Variants in ADRB3 observed in about 807,000 individuals in gnomAD.
The protein encoded by ADRB3 is beta-3 adrenergic receptor.
ADRB3 carries 33 observed loss-of-function variants against 23.8 expected under a neutral mutation model. That is an observed-to-expected ratio of 1.38 (90% CI 1.05 to 1.85). The LOEUF (loss-of-function observed/expected upper bound fraction) is 1.85. ADRB3 is among the 40% of genes most tolerant of loss of function. The probability of loss-of-function intolerance (pLI) is 0.00; values close to 1 mark genes in which losing one functional copy is unlikely to be tolerated. For synonymous variants in ADRB3, 289 were observed against 273.0 expected, an observed-to-expected ratio of 1.06 and a Z score of -0.58; for missense variants, 600 against 579.6, an observed-to-expected ratio of 1.04 and a Z score of -0.36.
chr8:37,965,420 C>A lies in ADRB3; in HGVS notation c.1050G>T (p.Pro350=). 1 of 1,549,516 alleles carries A rather than the reference C, an allele frequency of 6.5e-7. No homozygotes were observed. Among genetic ancestry groups the A allele is most frequent in the Middle Eastern group, 1.7e-4 (1 of 5,944 alleles). Residue 350 remains proline (P), a synonymous_variant, in exon 1 of 2, where the codon CCG becomes CCT. Coordinates refer to ENST00000345060, the MANE Select transcript of ADRB3 (RefSeq NM_000025.3). ...GACGGCGGAAGGCGCTGCGAAAGTCCGGGCTGCGGCAGTAGATGAGCGGGT... is the reference window on the plus strand; with the variant it reads ...GACGGCGGAAGGCGCTGCGAAAGTCAGGGCTGCGGCAGTAGATGAGCGGGT... ...AFNPLIYCRS[P]DFRSAFRRLL...
intron 1 of ADRB3, 116 bp from the exon 2 acceptor site, chr8:37,964,355 G>A: frequency 1.1e-6 from 1 of 905,784 alleles, no homozygotes; most frequent in Non-Finnish European, 1.8e-6. Context: ...AAAAACGCCA[G>A]GGCACCACCC....
At position 37,964,132 on chromosome 8, in the gene ADRB3, G is replaced by A. The variant is rs1808252966; in HGVS notation, c.*86C>T. 3.3e-6 allele frequency: 4 copies of A among 1,214,646 alleles called. No homozygotes were observed. Among genetic ancestry groups the A allele is most frequent in the East Asian group, 2.3e-5 (1 of 42,768 alleles). 75.2% of individuals were successfully genotyped at this position (1,214,646 alleles called of 1,614,324 possible). A position where few individuals can be genotyped will look rare whatever the true frequency, so the allele number is the denominator to read the frequency against. On this transcript the variant is annotated 3_prime_UTR_variant, in exon 2 of 2. Coordinates refer to ENST00000345060, the MANE Select transcript of ADRB3 (RefSeq NM_000025.3). Reference sequence around the variant, plus strand: ...TGGAGGGTAGAGTGTCACAGCCGGGGAATCCCATGGGACTCATTCTGAACA... The same window carrying A: ...TGGAGGGTAGAGTGTCACAGCCGGGAAATCCCATGGGACTCATTCTGAACA...
In ADRB3 at chr8:37,964,118, G is replaced by A. The variant is rs1808252655; in HGVS notation, c.*100C>T. 1 of 1,059,308 alleles carries A rather than the reference G, an allele frequency of 9.4e-7. No individual in the cohort carries two copies. Among genetic ancestry groups the A allele is most frequent in the African/African-American group, 1.6e-5 (1 of 64,008 alleles). 65.6% of individuals were successfully genotyped at this position (1,059,308 alleles called of 1,614,324 possible). A position where few individuals can be genotyped will look rare whatever the true frequency, so the allele number is the denominator to read the frequency against. On this transcript the variant is annotated 3_prime_UTR_variant, in exon 2 of 2. Coordinates refer to ENST00000345060, the MANE Select transcript of ADRB3 (RefSeq NM_000025.3). ...CAGTCGTCAGGTTCTGGAGGGTAGA[G>A]TGTCACAGCCGGGGAATCCCATGGG...
Position 37,966,094 on chromosome 8 carries a change from C to T in ADRB3, c.376G>A (p.Glu126Lys), listed in dbSNP as rs750693990. ...VDVLCVTASI[E>K]TLCALAVDRY... ...TCCACGGCCAGGGCGCACAGGGTTT[C>T]GATGCTGGCGGTCACACACAGCACG... The change falls in exon 1 of 2, where the codon GAA becomes AAA. Residue 126 changes from glutamate (E) to lysine (K), a missense_variant. By Grantham distance (56) the Glu-to-Lys change is moderately conservative (BLOSUM62 1). Coordinates refer to ENST00000345060, the MANE Select transcript of ADRB3 (RefSeq NM_000025.3). The T allele has an allele frequency of 3.7e-6, 6 of 1,611,106 alleles. No homozygotes were observed. Among genetic ancestry groups the T allele is most frequent in the Non-Finnish European group, 3.4e-6 (4 of 1,178,760 alleles).
Position 37,966,474 on chromosome 8 carries a change from G to C in ADRB3, c.-5C>G, listed in dbSNP as rs762614429. On this transcript the variant is annotated 5_prime_UTR_variant, in exon 1 of 2. Transcript: ENST00000345060. ...CTCGTGAGGCCACGGAGCCATCCCC[G>C]GGTCGCGCGTGGGGCGGTAGGGAAA... The C allele has an allele frequency of 1.3e-6, 2 of 1,585,308 alleles. No homozygotes were observed. The highest frequency in any genetic ancestry group is 1.1e-5 in the South Asian group (1 of 88,112).
Position 37,966,026 on chromosome 8 carries a change from C to G in ADRB3, c.444G>C (p.Leu148=), listed in dbSNP as rs1277918199. 6.3e-7 allele frequency: 1 copy of G among 1,580,660 alleles called. No individual in the cohort carries two copies. Among genetic ancestry groups the G allele is most frequent in the South Asian group, 1.2e-5 (1 of 86,816 alleles). The part of the protein sequence containing the change: ...AVTNPLRYGA[L]VTKRCARTAV... ...CTGTCCGGGCGCAGCGCTTGGTGAC[C>G]AGTGCGCCGTAACGCAGCGGGTTGG... Residue 148 remains leucine, a synonymous_variant, in exon 1 of 2, where the codon CTG becomes CTC. Transcript: ENST00000345060.
rs1291521657 is a variant in ADRB3 at position 37,965,893 on chromosome 8, G to C, written c.577C>G (p.Pro193Ala). 1 of 1,552,942 alleles carries C rather than the reference G, an allele frequency of 6.4e-7. No individual in the cohort carries two copies. The highest frequency in any genetic ancestry group is 2.0e-5 in the Admixed American group (1 of 51,070). The change falls in exon 1 of 2, where the codon CCG becomes GCG. Residue 193 changes from proline (P) to alanine (A), a missense_variant. Coordinates refer to ENST00000345060, the MANE Select transcript of ADRB3 (RefSeq NM_000025.3). ...DAEAQRCHSN[P>A]RCCAFASNMP... ...TTGGAGGCGAAGGCACAGCAGCGCG[G>C]GTTGGAGTGGCAGCGCTGCGCCTCG...
At position 37,963,054 on chromosome 8, in the gene ADRB3, A is replaced by T. The variant is rs1808229867; in HGVS notation, c.*1164T>A. On this transcript the variant is annotated 3_prime_UTR_variant, in exon 2 of 2. Transcript: ENST00000345060. ...CAGATTTTTGTAGCTGGGGAAGGTG[A>T]GTGGGAAGGTAGAGGTTGTGGAAAG... 6.6e-6 allele frequency: 1 copy of T among 152,100 alleles called. No individual in the cohort carries two copies. The highest frequency in any genetic ancestry group is 1.5e-5 in the Non-Finnish European group (1 of 68,024). 9.4% of individuals were successfully genotyped at this position (152,100 alleles called of 1,614,324 possible). A position where few individuals can be genotyped will look rare whatever the true frequency, so the allele number is the denominator to read the frequency against.
rs13306152 is a variant in ADRB3 at position 37,964,253 on chromosome 8, T to G, written c.1206-14A>C. The G allele has an allele frequency of 1.2e-6, 2 of 1,611,354 alleles. No homozygotes were observed. Among genetic ancestry groups the G allele is most frequent in the Non-Finnish European group, 1.7e-6 (2 of 1,178,094 alleles). On this transcript the variant is annotated splice_polypyrimidine_tract_variant and intron_variant, in intron 1 of 1. Transcript: ENST00000345060. ...CCCCAAGAAGCCCTGGGAAAAAAAGTGGAGATAATAGACCCTGGGGTGAAA... is the reference window on the plus strand; with the variant it reads ...CCCCAAGAAGCCCTGGGAAAAAAAGGGGAGATAATAGACCCTGGGGTGAAA...
Position 37,965,888 on chromosome 8 carries a change from G to C in ADRB3, c.582C>G (p.Arg194=), listed in dbSNP as rs1336490427. ...GCATGTTGGAGGCGAAGGCACAGCA[G>C]CGCGGGTTGGAGTGGCAGCGCTGCG... ...AEAQRCHSNP[R]CCAFASNMPY... is the part of the protein sequence containing the mutation. The change falls in exon 1 of 2, where the codon CGC becomes CGG. Residue 194 remains arginine, a synonymous_variant. Coordinates refer to ENST00000345060, the MANE Select transcript of ADRB3 (RefSeq NM_000025.3). 1.3e-6 allele frequency: 2 copies of C among 1,552,870 alleles called. No individual in the cohort carries two copies. Among genetic ancestry groups the C allele is most frequent in the Non-Finnish European group, 1.7e-6 (2 of 1,147,568 alleles).
rs747860103 is a variant in ADRB3, at chr8:37,964,211, T to C, written c.*7A>G. ...TCAACAGAGTTGTTGCTTCTTGTCC[T>C]TCAGGCCTAAGAAACTCCCCAAGAA... On this transcript the variant is annotated 3_prime_UTR_variant, in exon 2 of 2. Coordinates refer to ENST00000345060, the MANE Select transcript of ADRB3 (RefSeq NM_000025.3). The C allele has an allele frequency of 4.3e-6, 7 of 1,613,434 alleles. No individual in the cohort carries two copies. Among genetic ancestry groups the C allele is most frequent in the Non-Finnish European group, 5.9e-6 (7 of 1,179,498 alleles).
At chr8:37,964,369 C>T in intron 1 of ADRB3, 130 bp from the exon 2 acceptor site, 1 of 757,062 alleles carries the variant, frequency 1.3e-6, no homozygotes, top group South Asian at 1.6e-5. Flanking sequence ...ACCACCCAGC[C>T]ACACACGCCC....
rs544651920 is a variant in ADRB3, at chr8:37,963,156, G to GAC, written c.*1060_*1061dup. Reference sequence around the variant, plus strand: ...GCAATGCTTTGTGCCTGTGCCTCCAGACACACACACACACACACACACGCA... The same window carrying GAC: ...GCAATGCTTTGTGCCTGTGCCTCCAGACACACACACACACACACACACACGCA... On this transcript the variant is annotated 3_prime_UTR_variant, in exon 2 of 2. Transcript: ENST00000345060. 7.6e-3 allele frequency: 1,128 copies of GAC among 147,912 alleles called. 11 individuals carry two copies. The highest frequency in any genetic ancestry group is 0.015 in the South Asian group (68 of 4,646). 9.2% of individuals were successfully genotyped at this position (147,912 alleles called of 1,614,324 possible).
At position 37,966,017 on chromosome 8, in the gene ADRB3, C is replaced by T. The variant is rs1378075168; in HGVS notation, c.453G>A (p.Lys151=). ...NPLRYGALVT[K]RCARTAVVLV... is the part of the protein sequence containing the mutation. Reference sequence around the variant, plus strand: ...GGACCACAGCTGTCCGGGCGCAGCGCTTGGTGACCAGTGCGCCGTAACGCA... The same window carrying T: ...GGACCACAGCTGTCCGGGCGCAGCGTTTGGTGACCAGTGCGCCGTAACGCA... Residue 151 remains lysine, a synonymous_variant, in exon 1 of 2, where the codon AAG becomes AAA. Transcript: ENST00000345060. 1 of 1,577,688 alleles carries T rather than the reference C, an allele frequency of 6.3e-7. No homozygotes were observed. Among genetic ancestry groups the T allele is most frequent in the Admixed American group, 1.9e-5 (1 of 53,876 alleles).
At chr8:37,964,304 T>A (rs1808255918) in intron 1 of ADRB3, 65 bp from the exon 2 acceptor site, 13 of 1,418,734 alleles carry the variant, frequency 9.2e-6, no homozygotes, top group Non-Finnish European at 1.3e-5. Flanking sequence ...CTGAGGGGAA[T>A]GACAGAGATC....
rs1808294889 is a variant in ADRB3 at position 37,965,752 on chromosome 8, C to CGCGCAGCAA, written c.709_717dup (p.Leu237_Arg239dup). 4 of 1,550,768 alleles carry CGCGCAGCAA rather than the reference C, an allele frequency of 2.6e-6. No individual in the cohort carries two copies. The highest frequency in any genetic ancestry group is 2.4e-5 in the South Asian group (2 of 84,048). ...TCGGGCGGAAAGCGGCCCAGCTCCCCGCGCAGCAAGCGCAGCTGGCGCGTA... is the reference window on the plus strand; with the variant it reads ...TCGGGCGGAAAGCGGCCCAGCTCCCCGCGCAGCAAGCGCAGCAAGCGCAGCTGGCGCGTA... On this transcript the variant is annotated inframe_insertion, in exon 1 of 2. Coordinates refer to ENST00000345060, the MANE Select transcript of ADRB3 (RefSeq NM_000025.3).
At position 37,965,457 on chromosome 8, in the gene ADRB3, T is replaced by C. The variant is rs200277866; in HGVS notation, c.1013A>G (p.Asn338Ser). ...FLALNWLGYA[N>S]SAFNPLIYCR... is the part of the protein sequence containing the mutation. ...GTAGATGAGCGGGTTGAAGGCAGAA[T>C]TGGCATAACCTAGCCAGTTCAGGGC... The change falls in exon 1 of 2, where the codon AAT becomes AGT. Residue 338 changes from asparagine (N) to serine (S), a missense_variant. Physicochemically the swap from Asn to Ser is conservative, Grantham distance 46. Coordinates refer to ENST00000345060, the MANE Select transcript of ADRB3 (RefSeq NM_000025.3). 283 of 1,551,324 alleles carry C rather than the reference T, an allele frequency of 1.8e-4. No individual in the cohort carries two copies. Among genetic ancestry groups the C allele is most frequent in the Middle Eastern group, 5.0e-4 (3 of 6,002 alleles).
Position 37,963,898 on chromosome 8 carries a change from C to T in ADRB3, c.*320G>A. 1 of 325,656 alleles carries T rather than the reference C, an allele frequency of 3.1e-6. No homozygotes were observed. Among genetic ancestry groups the T allele is most frequent in the Non-Finnish European group, 5.7e-6 (1 of 174,428 alleles). 20.2% of individuals were successfully genotyped at this position (325,656 alleles called of 1,614,324 possible). On this transcript the variant is annotated 3_prime_UTR_variant, in exon 2 of 2. Transcript: ENST00000345060. Reference sequence around the variant, plus strand: ...CCAGGGGAGCTCTCTTTGCCCTAAGCACTCACTGACTGCACAGGCAAGCCG... The same window carrying T: ...CCAGGGGAGCTCTCTTTGCCCTAAGTACTCACTGACTGCACAGGCAAGCCG...
rs1397940390 is a variant in ADRB3, at chr8:37,965,786, GAA to G, written c.682_683del (p.Phe228ArgfsTer192). On this transcript the variant is annotated frameshift_variant, in exon 1 of 2. Transcript: ENST00000345060. LOFTEE classifies it high-confidence loss of function. ...LVMLFVYARV[F>X]VVATRQLRLL... ...AGCGCAGCTGGCGCGTAGCCACCAC[GAA>G]AACCCGCGCGTAGACGAAGAGCATC... 6.4e-7 allele frequency: 1 copy of G among 1,551,694 alleles called. No homozygotes were observed.
Sources: allele counts gnomAD v4.1 joint callset, GRCh38; gene constraint gnomAD v4.1.1; transcripts MANE v1.5; gene names NCBI Gene and HGNC (gene_info 2026-07-23, HGNC 2026-07-21).